Variants in ROBO1 observed in about 807,000 individuals in gnomAD.
ROBO1 encodes roundabout guidance receptor 1, also known as roundabout homolog 1.
A neutral mutation model predicts 195.9 loss-of-function variants in ROBO1; 149 were observed. The ratio of observed to expected loss-of-function variants is 0.76; its 90% CI spans 0.67 to 0.87. The LOEUF (loss-of-function observed/expected upper bound fraction) is 0.87. Ranked by LOEUF, ROBO1 falls within the 40% of genes least tolerant of loss-of-function variation. ROBO1 has a pLI of 0.00. For synonymous variants in ROBO1, 816 were observed against 733.2 expected, an observed-to-expected ratio of 1.11 and a Z score of -1.82; for missense variants, 1,933 against 2,068.3, an observed-to-expected ratio of 0.93 and a Z score of 1.27.
intron 4 of ROBO1, among the ~76,000 whole-genome samples, chr3:78,916,609 T>TA (rs1445800440): frequency 6.6e-6 from 1 of 152,092 alleles, no homozygotes; most frequent in African/African-American, 2.4e-5. Context: ...ACTGTTTTTT[T>TA]ATTTATGTAA....
At chr3:79,408,920 C>T (rs1400255376) in intron 2 of ROBO1, among the ~76,000 whole-genome samples, 3 of 152,068 alleles carry the variant, frequency 2.0e-5, no homozygotes, top group Non-Finnish European at 2.9e-5. Context: ...ACCAACTTCT[C>T]ATATTTGATT....
At chr3:79,589,008 C>T (rs1943914852) in intron 2 of ROBO1, among the ~76,000 whole-genome samples, 1 of 151,580 alleles carries the variant, frequency 6.6e-6, no homozygotes, top group Admixed American at 6.6e-5. Flanking sequence ...ATAAATATAA[C>T]CATAACATAA....
chr3:79,716,039 T>A (rs1169864295), intron 1 of ROBO1, among the ~76,000 whole-genome samples: 2 of 152,068 alleles, frequency 1.3e-5, no homozygotes, highest in Non-Finnish European at 2.9e-5. Flanking sequence ...TGAAGATGTT[T>A]TTAGCCAAAT....
chr3:79,313,527 G>T (rs544218924), intron 2 of ROBO1, among the ~76,000 whole-genome samples: 1 of 152,114 alleles, frequency 6.6e-6, no homozygotes, highest in East Asian at 1.9e-4. Context: ...CCTTCCTTAT[G>T]TTGTTCAAAT....
intron 3 of ROBO1, among the ~76,000 whole-genome samples, chr3:78,984,077 A>T (rs1295238363): frequency 1.3e-5 from 2 of 152,154 alleles, no homozygotes; most frequent in African/African-American, 2.4e-5. Flanking sequence ...AGAATAATAT[A>T]AAAAAACTTA....
chr3:79,512,835 T>C (rs1461867065), intron 2 of ROBO1: 1 of 152,144 alleles, frequency 6.6e-6, no homozygotes, highest in African/African-American at 2.4e-5. Context: ...TGCAAGCCGT[T>C]GAAAAATATG....
At chr3:78,602,693 C>G (rs1203914822) in intron 29 of ROBO1, among the ~76,000 whole-genome samples, 1 of 152,018 alleles carries the variant, frequency 6.6e-6, no homozygotes, top group Admixed American at 6.6e-5. Flanking sequence ...TTTCATCATG[C>G]TGAATCATTA....
chr3:78,841,419 C>T (rs2033190362), intron 4 of ROBO1, among the ~76,000 whole-genome samples: 1 of 152,112 alleles, frequency 6.6e-6, no homozygotes, highest in African/African-American at 2.4e-5. Flanking sequence ...GAACTCCTCC[C>T]TTCCTCAATC....
chr3:79,653,421 C>CA (rs1221769084), intron 1 of ROBO1, among the ~76,000 whole-genome samples: 2 of 151,846 alleles, frequency 1.3e-5, no homozygotes, highest in Non-Finnish European at 1.5e-5. Context: ...TATTTCACTG[C>CA]CTTTTACTTC....
chr3:79,629,879 C>A (rs577834017), intron 1 of ROBO1, among the ~76,000 whole-genome samples: 13 of 151,920 alleles, frequency 8.6e-5, no homozygotes, highest in Admixed American at 2.6e-4. Flanking sequence ...ACACAAAAAA[C>A]CAGAAAATCT....
intron 2 of ROBO1, among the ~76,000 whole-genome samples, chr3:79,434,483 C>A (rs988995619): frequency 1.1e-4 from 17 of 152,050 alleles, no homozygotes; most frequent in Non-Finnish European, 2.1e-4. Flanking sequence ...ACATCACTGG[C>A]CATCAGAGAA....
chr3:79,450,124 GA>G (rs570199810), intron 2 of ROBO1, among the ~76,000 whole-genome samples: 2,100 of 101,288 alleles, frequency 0.021, 16 homozygotes, highest in Non-Finnish European at 0.031. Flanking sequence ...GAAAAAAAAT[GA>G]AAAAAAAAAA....
chr3:79,700,013 C>T (rs973643424), intron 1 of ROBO1, among the ~76,000 whole-genome samples: 1 of 151,512 alleles, frequency 6.6e-6, no homozygotes, highest in Non-Finnish European at 1.5e-5. Context: ...TACTTCCCAA[C>T]ATCTGTTGTT....
chr3:79,453,958 G>A (rs2107213779), intron 2 of ROBO1, among the ~76,000 whole-genome samples: 1 of 152,160 alleles, frequency 6.6e-6, no homozygotes, highest in Admixed American at 6.5e-5. Flanking sequence ...AGACTTTTCT[G>A]TTGTGATAGG....
At chr3:79,052,688 A>G (rs2078725119) in intron 3 of ROBO1, among the ~76,000 whole-genome samples, 1 of 152,078 alleles carries the variant, frequency 6.6e-6, no homozygotes, top group Admixed American at 6.6e-5. Context: ...ACTGGCCAAC[A>G]CTTAGGGAAA....
chr3:79,265,461 A>G (rs1039426450), intron 2 of ROBO1, among the ~76,000 whole-genome samples: 4 of 151,792 alleles, frequency 2.6e-5, no homozygotes, highest in African/African-American at 4.8e-5. Context: ...TAATGCAGGC[A>G]GAAGCCTGCA....
At position 78,938,907 on chromosome 3, in the gene ROBO1, C is replaced by A; in HGVS notation, c.193G>T (p.Asp65Tyr). The stretch of plus-strand genomic sequence containing the variant: ...TGTTCAACAATGCGAGGTGGAAAAT[C>A]TTCCTGACGAAGACGGGAGCCTGCA... ...GYTGSRLRQE[D>Y]FPPRIVEHPS... The change falls in exon 4 of 31, where the codon GAT (aspartate) becomes TAT (tyrosine). Residue 65 changes from aspartate (D) to tyrosine (Y), a missense_variant. By Grantham distance (160) the Asp-to-Tyr change is radical. Coordinates refer to ENST00000464233, the MANE Select transcript of ROBO1 (RefSeq NM_002941.4). The A allele has an allele frequency of 2.5e-6, 4 of 1,609,088 alleles. No homozygotes were observed. Among genetic ancestry groups the A allele is most frequent in the Non-Finnish European group, 3.4e-6 (4 of 1,176,912 alleles).
chr3:78,633,728 C>G (rs541051115), intron 24 of ROBO1, among the ~76,000 whole-genome samples: 1 of 152,270 alleles, frequency 6.6e-6, no homozygotes, highest in Admixed American at 6.5e-5. Context: ...AAATAGGACA[C>G]TTAGTCTTTT....
At position 78,685,762 on chromosome 3, in the gene ROBO1, A is replaced by C. The variant is rs1421265163; in HGVS notation, c.1326T>G (p.Tyr442Ter). 6.2e-7 allele frequency: 1 copy of C among 1,606,532 alleles called. No individual in the cohort carries two copies. The highest frequency in any genetic ancestry group is 8.5e-7 in the Non-Finnish European group (1 of 1,174,954). Residue 442 changes from tyrosine to a stop codon, truncating the protein, a stop_gained, in exon 10 of 31, where the codon TAT (tyrosine) becomes TAG (stop). Transcript: ENST00000464233. LOFTEE classifies it high-confidence loss of function. ...ACACTTTACCATCTGTAACTTCCAA[A>C]TATGCCTTTGTGATGATGCTTCCAG... ...NVAGSIITKA[Y>*]LEVTDVIADR...
Sources: gnomAD v4.1 joint callset for allele counts (sites outside exome capture counted in the v4.1 genomes callset) on GRCh38, gnomAD v4.1.1 for gene constraint, MANE v1.5 for transcripts, NCBI Gene and HGNC (gene_info 2026-07-23, HGNC 2026-07-21) for gene names.